The following CIB4 variants were observed in gnomAD, a reference collection of about 807,000 sequenced individuals.
CIB4 encodes the protein calcium and integrin-binding family member 4.
CIB4 carries 25 observed loss-of-function variants against 25.8 expected under a neutral mutation model. The observed-to-expected ratio is 0.97, with a 90% confidence interval of 0.71 to 1.35. The LOEUF is 1.35. Ranked by LOEUF, CIB4 falls within the 40% of genes most tolerant of loss-of-function variation. CIB4 has a pLI of 0.00. For synonymous variants in CIB4, 75 were observed against 81.4 expected, an observed-to-expected ratio of 0.92 and a Z score of 0.42; for missense variants, 235 against 228.2, an observed-to-expected ratio of 1.03 and a Z score of -0.19.
chr2:26,602,058 C>T (rs1297520866), intron 3 of CIB4, among the ~76,000 whole-genome samples: 1 of 152,156 alleles, frequency 6.6e-6, no homozygotes, highest in Non-Finnish European at 1.5e-5. Context: ...AGATAGAAGC[C>T]ATGCCTTTAT....
At chr2:26,619,327 G>T (rs1159209575) in intron 3 of CIB4, among the ~76,000 whole-genome samples, 2 of 152,170 alleles carry the variant, frequency 1.3e-5, no homozygotes, top group African/African-American at 4.8e-5. Context: ...GGCAGTACAG[G>T]ACCAGGCTCT....
intron 3 of CIB4, among the ~76,000 whole-genome samples, chr2:26,628,138 T>C (rs765429361): frequency 6.6e-6 from 1 of 152,240 alleles, no homozygotes; most frequent in Non-Finnish European, 1.5e-5. Context: ...ACGTGACATT[T>C]CCTCTCAATG....
chr2:26,638,878 G>C (rs1022127063), intron 2 of CIB4, among the ~76,000 whole-genome samples: 3 of 151,918 alleles, frequency 2.0e-5, no homozygotes, highest in Non-Finnish European at 4.4e-5. Flanking sequence ...TTTAAACCAG[G>C]GAGGCACAGG....
intron 4 of CIB4, among the ~76,000 whole-genome samples, chr2:26,590,659 C>G (rs1317322516): frequency 6.6e-6 from 1 of 152,182 alleles, no homozygotes; most frequent in African/African-American, 2.4e-5. Flanking sequence ...TCCACGTGTC[C>G]CATCTCTAAT....
At chr2:26,606,873 G>A (rs1376140203) in intron 3 of CIB4, among the ~76,000 whole-genome samples, 1 of 152,188 alleles carries the variant, frequency 6.6e-6, no homozygotes, top group East Asian at 1.9e-4. Flanking sequence ...GCAGGGTCAG[G>A]CTAAGGATGT....
chr2:26,601,231 A>AAAAATATATAT (rs1395827334), intron 3 of CIB4, among the ~76,000 whole-genome samples: 12 of 17,214 alleles, frequency 7.0e-4, no homozygotes, highest in African/African-American at 1.8e-3. Context: ...AAAAAAAAAA[A>AAAAATATATAT]ATATATATAT....
chr2:26,632,383 A>C (rs919601447), intron 2 of CIB4, among the ~76,000 whole-genome samples: 8 of 152,162 alleles, frequency 5.3e-5, no homozygotes, highest in Non-Finnish European at 7.3e-5. Context: ...CCAGGAAAGT[A>C]CTGGGGTGGA....
At chr2:26,590,123 T>C (rs1327340361) in intron 4 of CIB4, among the ~76,000 whole-genome samples, 1 of 152,044 alleles carries the variant, frequency 6.6e-6, no homozygotes, top group Non-Finnish European at 1.5e-5. Context: ...CCCTAGCTCC[T>C]GCAGCAGTTT....
chr2:26,640,646 G>T, intron 1 of CIB4, 79 bp from the exon 2 acceptor site: 2 of 1,444,184 alleles, frequency 1.4e-6, no homozygotes, highest in Non-Finnish European at 1.9e-6. Context: ...GCAATTCAGA[G>T]GCTGGGGAGG....
intron 4 of CIB4, among the ~76,000 whole-genome samples, chr2:26,585,467 T>C (rs1005330334): frequency 3.3e-5 from 5 of 151,894 alleles, no homozygotes; most frequent in Admixed American, 3.3e-4. Context: ...TCAGCACCAC[T>C]CCCCTAGAGC....
At chr2:26,638,812 C>T (rs1448280716) in intron 2 of CIB4, among the ~76,000 whole-genome samples, 2 of 152,010 alleles carry the variant, frequency 1.3e-5, no homozygotes, top group African/African-American at 4.8e-5. Flanking sequence ...ATTTGCCGGG[C>T]GTGGTGGCAG....
At chr2:26,626,655 C>T (rs1379917473) in intron 3 of CIB4, among the ~76,000 whole-genome samples, 1 of 152,088 alleles carries the variant, frequency 6.6e-6, no homozygotes, top group Non-Finnish European at 1.5e-5. Flanking sequence ...ATCATGTGGC[C>T]AAGACTCCAC....
chr2:26,605,998 T>A (rs1359269472), intron 3 of CIB4, among the ~76,000 whole-genome samples: 1 of 152,122 alleles, frequency 6.6e-6, no homozygotes, highest in Non-Finnish European at 1.5e-5. Context: ...CCCATGACCC[T>A]GCCAGCCCGC....
intron 3 of CIB4, among the ~76,000 whole-genome samples, chr2:26,618,818 C>A (rs2148216028): frequency 6.6e-6 from 1 of 152,270 alleles, no homozygotes; most frequent in South Asian, 2.1e-4. Flanking sequence ...GCCCAGGAAG[C>A]CACTCAGCTC....
chr2:26,621,826 G>A (rs192877144), intron 3 of CIB4, among the ~76,000 whole-genome samples: 29 of 152,274 alleles, frequency 1.9e-4, no homozygotes, highest in African/African-American at 6.3e-4. Context: ...ATGTTAGAAG[G>A]CTCCAAGAGA....
chr2:26,604,805 C>A (rs935811186), intron 3 of CIB4, among the ~76,000 whole-genome samples: 5 of 152,102 alleles, frequency 3.3e-5, no homozygotes, highest in African/African-American at 7.2e-5. Flanking sequence ...GAATCCTTTT[C>A]AAGAAGACAA....
intron 3 of CIB4, among the ~76,000 whole-genome samples, chr2:26,625,499 T>C (rs983125540): frequency 6.6e-6 from 1 of 152,174 alleles, no homozygotes; most frequent in Non-Finnish European, 1.5e-5. Context: ...ATTACAGGCA[T>C]GTGCCACCAT....
At chr2:26,586,619 T>C (rs1024433337) in intron 4 of CIB4, among the ~76,000 whole-genome samples, 7 of 152,212 alleles carry the variant, frequency 4.6e-5, no homozygotes, top group African/African-American at 1.7e-4. Flanking sequence ...TGGCTGTTGT[T>C]GAATAAATAA....
chr2:26,600,573 C>A (rs1317599347), intron 3 of CIB4, among the ~76,000 whole-genome samples: 1 of 152,116 alleles, frequency 6.6e-6, no homozygotes, highest in Non-Finnish European at 1.5e-5. Context: ...GAGTGGAGTC[C>A]TCAGTTTACC....
Sources: gnomAD v4.1 joint callset for allele counts (sites outside exome capture counted in the v4.1 genomes callset) on GRCh38, gnomAD v4.1.1 for gene constraint, MANE v1.5 for transcripts, NCBI Gene and HGNC (gene_info 2026-07-23, HGNC 2026-07-21) for gene names.